The following GRID2 variants were observed in gnomAD, a reference collection of about 807,000 sequenced individuals.
GRID2 encodes the protein glutamate ionotropic receptor delta type subunit 2.
A neutral mutation model predicts 114.8 loss-of-function variants in GRID2; 33 were observed. That is an observed-to-expected ratio of 0.29 (90% CI 0.22 to 0.38). The LOEUF (loss-of-function observed/expected upper bound fraction) is 0.38. Ranked by LOEUF, GRID2 falls within the 10% of genes least tolerant of loss-of-function variation. The pLI is 1.00. For missense variants in GRID2, 1,184 were observed against 1,257.7 expected (o/e 0.94, Z 0.89); for synonymous variants, 505 against 449.9 (o/e 1.12, Z -1.55).
At chr4:93,012,189 A>AT (rs1722247233) in intron 2 of GRID2, among the ~76,000 whole-genome samples, 1 of 151,812 alleles carries the variant, frequency 6.6e-6, no homozygotes, top group South Asian at 2.1e-4. Context: ...TATTCTTCCA[A>AT]TTTTTTCATT....
intron 8 of GRID2, among the ~76,000 whole-genome samples, chr4:93,375,168 C>T (rs563921866): frequency 1.5e-3 from 227 of 151,876 alleles, no homozygotes; most frequent in Non-Finnish European, 2.9e-3. Flanking sequence ...TCTAAGCTGC[C>T]ACTTTAGAGT....
intron 2 of GRID2, among the ~76,000 whole-genome samples, chr4:93,029,536 T>C (rs1724192372): frequency 6.6e-6 from 1 of 152,140 alleles, no homozygotes; most frequent in Non-Finnish European, 1.5e-5. Flanking sequence ...TTTTCCTCTG[T>C]AGCTATAAAT....
chr4:93,606,452 T>C (rs2149652076), intron 13 of GRID2, among the ~76,000 whole-genome samples: 1 of 152,286 alleles, frequency 6.6e-6, no homozygotes, highest in East Asian at 1.9e-4. Context: ...AGAGATAAAA[T>C]TGATTTCTGT....
intron 1 of GRID2, among the ~76,000 whole-genome samples, chr4:92,449,659 G>C (rs7681849): frequency 0.35 from 44,858 of 126,506 alleles, 8,354 homozygotes; most frequent in African/African-American, 0.51. Context: ...AATCAAATAT[G>C]TCTATCTTTT....
intron 13 of GRID2, among the ~76,000 whole-genome samples, chr4:93,554,857 G>C (rs915214876): frequency 1.3e-5 from 2 of 152,154 alleles, no homozygotes; most frequent in East Asian, 3.9e-4. Context: ...TCAGCTCCCA[G>C]CAAAATCAAT....
intron 14 of GRID2, among the ~76,000 whole-genome samples, chr4:93,631,597 C>T (rs11097381): frequency 0.58 from 88,120 of 152,006 alleles, 26,289 homozygotes; most frequent in East Asian, 0.72. Context: ...TGCCACATTT[C>T]CTTAATCCAG....
intron 1 of GRID2, among the ~76,000 whole-genome samples, chr4:92,442,536 A>C (rs550508301): frequency 1.2e-3 from 183 of 152,152 alleles, no homozygotes; most frequent in Non-Finnish European, 1.6e-3. Flanking sequence ...CAGTGGAGGC[A>C]AGGAATTGCA....
At chr4:92,328,638 A>G (rs953057163) in intron 1 of GRID2, among the ~76,000 whole-genome samples, 6 of 152,038 alleles carry the variant, frequency 3.9e-5, no homozygotes, top group South Asian at 4.1e-4. Flanking sequence ...TTTGAAAGGT[A>G]ATTTTATGCC....
intron 1 of GRID2, among the ~76,000 whole-genome samples, chr4:92,371,165 G>A (rs1325633621): frequency 6.6e-6 from 1 of 152,146 alleles, no homozygotes; most frequent in Admixed American, 6.5e-5. Flanking sequence ...AATGAAAGCT[G>A]TAACCATAAC....
At chr4:93,396,948 AGTC>A (rs1302113681) in intron 9 of GRID2, among the ~76,000 whole-genome samples, 1 of 151,966 alleles carries the variant, frequency 6.6e-6, no homozygotes, top group African/African-American at 2.4e-5. Flanking sequence ...TCTTCAGAAA[AGTC>A]TACTTGTTTT....
At chr4:92,443,541 C>T (rs1477057925) in intron 1 of GRID2, among the ~76,000 whole-genome samples, 1 of 151,550 alleles carries the variant, frequency 6.6e-6, no homozygotes, top group African/African-American at 2.4e-5. Context: ...GGGGTTGGGG[C>T]ACAGAGATAA....
chr4:93,364,601 A>C (rs2149280304), intron 8 of GRID2, among the ~76,000 whole-genome samples: 1 of 152,172 alleles, frequency 6.6e-6, no homozygotes, highest in South Asian at 2.1e-4. Flanking sequence ...CCTCTAAAAT[A>C]ACTGGGACTA....
At chr4:93,388,498 A>C (rs1436607481) in intron 8 of GRID2, among the ~76,000 whole-genome samples, 2 of 152,172 alleles carry the variant, frequency 1.3e-5, no homozygotes, top group African/African-American at 2.4e-5. Flanking sequence ...TAGGAGGGTT[A>C]TGCCTTACTC....
At chr4:92,444,662 C>T (rs1199333343) in intron 1 of GRID2, among the ~76,000 whole-genome samples, 1 of 152,078 alleles carries the variant, frequency 6.6e-6, no homozygotes, top group Non-Finnish European at 1.5e-5. Context: ...ACATTTCGTA[C>T]TATGGATATA....
intron 2 of GRID2, among the ~76,000 whole-genome samples, chr4:92,654,858 C>G (rs1732148622): frequency 6.6e-6 from 1 of 151,938 alleles, no homozygotes; most frequent in Non-Finnish European, 1.5e-5. Flanking sequence ...GTTGTCTCTT[C>G]ATTCTGTTGA....
At chr4:92,953,189 G>T (rs1296924535) in intron 2 of GRID2, among the ~76,000 whole-genome samples, 2 of 152,114 alleles carry the variant, frequency 1.3e-5, no homozygotes, top group African/African-American at 4.8e-5. Flanking sequence ...CAGAGGGACT[G>T]GGAGTTAGGC....
At chr4:92,799,820 A>G (rs1578207488) in intron 2 of GRID2, among the ~76,000 whole-genome samples, 2 of 152,134 alleles carry the variant, frequency 1.3e-5, no homozygotes, top group African/African-American at 4.8e-5. Flanking sequence ...CGTTTTCTCA[A>G]GGAAAATTAT....
chr4:93,535,811 G>A (rs1348875147), intron 13 of GRID2, among the ~76,000 whole-genome samples: 2 of 151,938 alleles, frequency 1.3e-5, no homozygotes, highest in African/African-American at 4.8e-5. Context: ...TTCATCAGAT[G>A]TATGGTTTGC....
chr4:92,781,817 G>A (rs1739092353), intron 2 of GRID2, among the ~76,000 whole-genome samples: 1 of 151,930 alleles, frequency 6.6e-6, no homozygotes, highest in African/African-American at 2.4e-5. Flanking sequence ...AATTAATGGA[G>A]CTGTACATTC....
Sources: allele counts gnomAD v4.1 joint callset (sites outside exome capture counted in the v4.1 genomes callset), GRCh38; gene constraint gnomAD v4.1.1; transcripts MANE v1.5; gene names NCBI Gene and HGNC (gene_info 2026-07-23, HGNC 2026-07-21).